The following AKT3 variants were observed in gnomAD, a reference collection of about 807,000 sequenced individuals.
The protein encoded by AKT3 is AKT serine/threonine kinase 3.
AKT3 carries 15 observed loss-of-function variants against 65.3 expected under a neutral mutation model. That is an observed-to-expected ratio of 0.23 (90% CI 0.15 to 0.35). The LOEUF is 0.35. AKT3 is among the 10% of genes least tolerant of loss of function. The probability of loss-of-function intolerance (pLI) is 1.00; values close to 1 mark genes in which losing one functional copy is unlikely to be tolerated. For missense variants in AKT3, 243 were observed against 576.5 expected (o/e 0.42, Z 5.92); for synonymous variants, 206 against 183.8 (o/e 1.12, Z -0.98).
chr1:243,604,222 T>C (rs1015127317), intron 8 of AKT3, among the ~76,000 whole-genome samples: 3 of 152,300 alleles, frequency 2.0e-5, no homozygotes, highest in Non-Finnish European at 4.4e-5. Flanking sequence ...AGTGAATTAC[T>C]GAAAACCTTC....
chr1:243,727,100 T>C (rs536770327), intron 2 of AKT3, among the ~76,000 whole-genome samples: 45 of 152,236 alleles, frequency 3.0e-4, no homozygotes, highest in African/African-American at 1.1e-3. Context: ...ATGTGAAACA[T>C]TAACATTTAA....
At chr1:243,564,100 T>C (rs1673988626) in intron 9 of AKT3, among the ~76,000 whole-genome samples, 1 of 152,216 alleles carries the variant, frequency 6.6e-6, no homozygotes, top group Admixed American at 6.5e-5. Context: ...TTAAGAGCCA[T>C]TATTTTGTAA....
chr1:243,745,100 A>T (rs1224455639), intron 2 of AKT3, among the ~76,000 whole-genome samples: 1 of 151,866 alleles, frequency 6.6e-6, no homozygotes, highest in Non-Finnish European at 1.5e-5. Flanking sequence ...TGGGGTGGGG[A>T]GGCTGAGGCA....
chr1:243,808,573 C>T (rs1279475129), intron 2 of AKT3, among the ~76,000 whole-genome samples: 1 of 152,132 alleles, frequency 6.6e-6, no homozygotes, highest in East Asian at 1.9e-4. Flanking sequence ...CTGAAAGTGA[C>T]AGGGAGAATG....
chr1:243,757,766 C>CTTTT lies in AKT3; in HGVS notation c.47-62054_47-62051dup, dbSNP rs34770465. Among the ~76,000 whole-genome samples, 229 of 147,632 alleles carry CTTTT rather than the reference C, an allele frequency of 1.6e-3. 1 individual carries two copies. Among genetic ancestry groups the CTTTT allele is most frequent in the African/African-American group, 4.7e-3 (188 of 40,374 alleles). On this transcript the variant is annotated intron_variant, in intron 2 of 13. Coordinates refer to ENST00000673466, the MANE Select transcript of AKT3 (RefSeq NM_005465.7). Reference sequence around the variant, plus strand: ...TTGATACAGATTTATCTAATTAATACTTTTTTTTTTTTCATATGGAATCTT... The same window carrying CTTTT: ...TTGATACAGATTTATCTAATTAATACTTTTTTTTTTTTTTTTCATATGGAATCTT...
At chr1:243,525,215 GA>G (rs1670967203) in intron 12 of AKT3, among the ~76,000 whole-genome samples, 2 of 152,184 alleles carry the variant, frequency 1.3e-5, no homozygotes, top group South Asian at 4.1e-4. Flanking sequence ...TAACCCACTG[GA>G]AAAAAGAAAG....
Position 243,715,597 on chromosome 1 carries a change from A to G in AKT3, c.47-19881T>C, listed in dbSNP as rs149718205. 5.8e-4 allele frequency among the ~76,000 whole-genome samples: 88 copies of G among 152,260 alleles called. No individual in the cohort carries two copies. The East Asian group carries it at 0.015, about 27-fold the overall frequency. On this transcript the variant is annotated intron_variant, in intron 2 of 13. Transcript: ENST00000673466. Reference sequence around the variant, plus strand: ...CTGGTGTTAAACAAAAAATGGGATCATTCTCTACAAAGTGGAGAGAGATCA... The same window carrying G: ...CTGGTGTTAAACAAAAAATGGGATCGTTCTCTACAAAGTGGAGAGAGATCA...
At chr1:243,514,531 TGC>T (rs1311787037) in intron 12 of AKT3, among the ~76,000 whole-genome samples, 1 of 152,194 alleles carries the variant, frequency 6.6e-6, no homozygotes, top group Non-Finnish European at 1.5e-5. Flanking sequence ...CACGTATACA[TGC>T]ACACATATGA....
chr1:243,847,882 A>G (rs1247267578), intron 1 of AKT3, among the ~76,000 whole-genome samples: 2 of 152,314 alleles, frequency 1.3e-5, no homozygotes, highest in Non-Finnish European at 2.9e-5. Flanking sequence ...TGACATATAC[A>G]ATTTAGAGTC....
intron 4 of AKT3, among the ~76,000 whole-genome samples, chr1:243,663,550 C>A (rs1428709776): frequency 2.0e-5 from 3 of 152,116 alleles, no homozygotes; most frequent in African/African-American, 7.2e-5. Flanking sequence ...CTAATTACGT[C>A]TGCACATAGT....
chr1:243,561,129 T>C (rs1673746426), intron 10 of AKT3, among the ~76,000 whole-genome samples: 2 of 152,100 alleles, frequency 1.3e-5, no homozygotes, highest in Admixed American at 1.3e-4. Flanking sequence ...AAAATAATAG[T>C]ATGAAATTTA....
intron 1 of AKT3, among the ~76,000 whole-genome samples, chr1:243,849,386 A>ACCCCCCCCCCCCCCCCCCCCC (rs57424400): frequency 9.3e-5 from 10 of 107,020 alleles, no homozygotes; most frequent in South Asian, 3.4e-4. Flanking sequence ...CCACACACAC[A>ACCCCCCCCCCCCCCCCCCCCC]CCCCCCCCCC....
chr1:243,735,140 A>C (rs1687771479), intron 2 of AKT3: 1 of 152,228 alleles, frequency 6.6e-6, no homozygotes, highest in African/African-American at 2.4e-5. Flanking sequence ...AATAAAGCAG[A>C]GAGAGTACAC....
At position 243,521,942 on chromosome 1, in the gene AKT3, G is replaced by T. The variant is rs1670743112; in HGVS notation, c.1252-9516C>A. ...CTCATCCTATTGACTGTAGGTTTATGCCCAGGTGATGTTATTCACAAACAT... is the reference window on the plus strand; with the variant it reads ...CTCATCCTATTGACTGTAGGTTTATTCCCAGGTGATGTTATTCACAAACAT... On this transcript the variant is annotated intron_variant, in intron 12 of 13. Coordinates refer to ENST00000673466, the MANE Select transcript of AKT3 (RefSeq NM_005465.7). Among the ~76,000 whole-genome samples the T allele has an allele frequency of 2.0e-5, 3 of 152,168 alleles. No homozygotes were observed. The South Asian group carries it at 6.2e-4, about 32-fold the overall frequency.
chr1:243,791,621 A>C (rs1558814012), intron 2 of AKT3, among the ~76,000 whole-genome samples: 1 of 152,228 alleles, frequency 6.6e-6, no homozygotes, highest in Non-Finnish European at 1.5e-5. Context: ...AACAGAATTT[A>C]AATGAGACGA....
chr1:243,540,732 T>G (rs1156251165), intron 12 of AKT3, among the ~76,000 whole-genome samples: 2 of 152,176 alleles, frequency 1.3e-5, no homozygotes, highest in African/African-American at 4.8e-5. Context: ...ACATCGCAGT[T>G]AAGTCATCAT....
At chr1:243,554,768 G>A (rs1425853157) in intron 10 of AKT3, among the ~76,000 whole-genome samples, 1 of 151,754 alleles carries the variant, frequency 6.6e-6, no homozygotes, top group East Asian at 1.9e-4. Context: ...GGAGCCAAAT[G>A]TGGTTTTTAA....
chr1:243,503,842 C>T lies in AKT3; in HGVS notation c.*1407G>A, dbSNP rs952189374. Reference sequence around the variant, plus strand: ...TACTCAAGATGTGTTCATTTTGCCACGTAAAGATCATTTCTTATCTTCACT... The same window carrying T: ...TACTCAAGATGTGTTCATTTTGCCATGTAAAGATCATTTCTTATCTTCACT... On this transcript the variant is annotated 3_prime_UTR_variant, in exon 14 of 14. Coordinates refer to ENST00000673466, the MANE Select transcript of AKT3 (RefSeq NM_005465.7). 1.7e-5 allele frequency: 4 copies of T among 229,518 alleles called. No individual in the cohort carries two copies. The highest frequency in any genetic ancestry group is 2.6e-5 in the Non-Finnish European group (3 of 115,628). 14.2% of individuals were successfully genotyped at this position (229,518 alleles called of 1,614,324 possible).
intron 11 of AKT3, among the ~76,000 whole-genome samples, chr1:243,550,067 C>T (rs556541145): frequency 6.6e-6 from 1 of 152,164 alleles, no homozygotes; most frequent in South Asian, 2.1e-4. Context: ...AATTCAAACT[C>T]CTTTCTGATC....
Sources: gnomAD v4.1 joint callset for allele counts (sites outside exome capture counted in the v4.1 genomes callset) on GRCh38, gnomAD v4.1.1 for gene constraint, MANE v1.5 for transcripts, NCBI Gene and HGNC (gene_info 2026-07-23, HGNC 2026-07-21) for gene names.